Variants in CCDC88C observed in about 807,000 individuals in gnomAD.
The protein encoded by CCDC88C is protein Daple.
CCDC88C carries 131 observed loss-of-function variants against 198.8 expected under a neutral mutation model. The ratio of observed to expected loss-of-function variants is 0.66; its 90% CI spans 0.57 to 0.76. The LOEUF is 0.76. Among genes scored for constraint, CCDC88C ranks in the 30% least tolerant of loss-of-function variants. CCDC88C has a pLI of 0.00. For synonymous variants in CCDC88C, 1,166 were observed against 1,114.7 expected, an observed-to-expected ratio of 1.05 and a Z score of -0.92; for missense variants, 2,553 against 2,631.6, an observed-to-expected ratio of 0.97 and a Z score of 0.65.
chr14:91,288,927 T>C lies in CCDC88C; in HGVS notation c.4441+178A>G, dbSNP rs1450308370. ...ATAAAATAAAGTAACAAAAGCATTA[T>C]GGGACAAAACGGTCGCCACGCTGAA... is the stretch of plus-strand genomic sequence containing the variant. On this transcript the variant is annotated intron_variant, in intron 25 of 29. Transcript: ENST00000389857. This position sits in a 1 kb window ranked among gnomAD's most constrained non-coding sequence, Gnocchi z 4.2. 5 of 568,438 alleles carry C rather than the reference T, an allele frequency of 8.8e-6. No individual in the cohort carries two copies. The highest frequency in any genetic ancestry group is 7.5e-5 in the African/African-American group (4 of 53,422). 35.2% of individuals were successfully genotyped at this position (568,438 alleles called of 1,614,324 possible). A position where few individuals can be genotyped will look rare whatever the true frequency, so the allele number is the denominator to read the frequency against.
At chr14:91,377,265 C>A (rs1868736709) in intron 3 of CCDC88C, among the ~76,000 whole-genome samples, 1 of 152,188 alleles carries the variant, frequency 6.6e-6, no homozygotes, top group Non-Finnish European at 1.5e-5. Flanking sequence ...GTGTGGCAGG[C>A]TGAGACATGA....
intron 3 of CCDC88C, among the ~76,000 whole-genome samples, chr14:91,389,220 C>T (rs1047246520): frequency 3.9e-5 from 6 of 152,226 alleles, no homozygotes; most frequent in Middle Eastern, 3.4e-3. Flanking sequence ...GGGACAGGTA[C>T]GGTGAGGAGG....
chr14:91,283,314 G>A lies in CCDC88C; in HGVS notation c.4630+15C>T. On this transcript the variant is annotated intron_variant, in intron 26 of 29. Coordinates refer to ENST00000389857, the MANE Select transcript of CCDC88C (RefSeq NM_001080414.4). Reference sequence around the variant, plus strand: ...AGGCCCGACGCTCATGGCTCTGGAAGGGCCTGTGACTCACCTTTGGTGCGG... The same window carrying A: ...AGGCCCGACGCTCATGGCTCTGGAAAGGCCTGTGACTCACCTTTGGTGCGG... 2 of 1,611,280 alleles carry A rather than the reference G, an allele frequency of 1.2e-6. No individual in the cohort carries two copies. The highest frequency in any genetic ancestry group is 2.7e-5 in the African/African-American group (2 of 75,024).
chr14:91,360,152 T>G (rs11844094), intron 3 of CCDC88C, among the ~76,000 whole-genome samples: 3,169 of 152,098 alleles, frequency 0.021, 117 homozygotes, highest in African/African-American at 0.07. Context: ...GCGCAGTGGT[T>G]AATGCCTGTA....
chr14:91,357,449 C>T (rs926936409), intron 4 of CCDC88C, among the ~76,000 whole-genome samples: 1 of 152,216 alleles, frequency 6.6e-6, no homozygotes. Context: ...ACTAGTGTCT[C>T]GCCAGCACGC....
intron 14 of CCDC88C, among the ~76,000 whole-genome samples, 160 bp from the exon 15 acceptor site, chr14:91,314,310 G>T (rs1157538193): frequency 6.6e-6 from 1 of 152,210 alleles, no homozygotes; most frequent in Admixed American, 6.5e-5. Flanking sequence ...AGACACAGGT[G>T]AGTGGGCACA....
At chr14:91,374,032 G>A (rs947926626) in intron 3 of CCDC88C, among the ~76,000 whole-genome samples, 28 of 152,336 alleles carry the variant, frequency 1.8e-4, no homozygotes, top group African/African-American at 6.7e-4. Flanking sequence ...GGCAGATGCT[G>A]GAACATGCTC....
chr14:91,272,660 G>A lies in CCDC88C; in HGVS notation c.6052C>T (p.Pro2018Ser), dbSNP rs1486598826. The change falls in exon 30 of 30, where the codon CCG becomes TCG. Residue 2018 changes from proline to serine, a missense_variant. By Grantham distance (74) the Pro-to-Ser change is moderately conservative. Coordinates refer to ENST00000389857, the MANE Select transcript of CCDC88C (RefSeq NM_001080414.4). ...CCGTACTCATACCACACGGTCTGCG[G>A]ATCCCCGCCGGGCTCCGGGGAGGCC... Reference protein sequence around the residue: ...SPASPEPGGDPQTVWYEYGCV With the variant: ...SPASPEPGGDSQTVWYEYGCV The A allele has an allele frequency of 6.2e-7, 1 of 1,611,516 alleles. No homozygotes were observed. Among genetic ancestry groups the A allele is most frequent in the Non-Finnish European group, 8.5e-7 (1 of 1,179,874 alleles).
At chr14:91,397,461 C>T (rs1885916118) in intron 3 of CCDC88C, among the ~76,000 whole-genome samples, 1 of 151,798 alleles carries the variant, frequency 6.6e-6, no homozygotes, top group Admixed American at 6.6e-5. Context: ...CTCACACACA[C>T]TCTCACACTC....
chr14:91,361,891 T>G (rs1439183252), intron 3 of CCDC88C, among the ~76,000 whole-genome samples: 1 of 151,938 alleles, frequency 6.6e-6, no homozygotes, highest in East Asian at 1.9e-4. Context: ...GAAAGGAGAG[T>G]GCCCAATGAC....
Position 91,339,794 on chromosome 14 carries a change from C to G in CCDC88C, c.624+90G>C, listed in dbSNP as rs1159748437. ...CCCACCAGAACCTCAGCAGCAGGAC[C>G]GAGGCGTCTAGGCTGAAGATGAAGG... is the stretch of plus-strand genomic sequence containing the variant. On this transcript the variant is annotated intron_variant, in intron 7 of 29. Transcript: ENST00000389857. The surrounding 1 kb of genome is among the most constrained non-coding windows in gnomAD (Gnocchi z 5.8). The G allele has an allele frequency of 1.4e-6, 2 of 1,402,014 alleles. No homozygotes were observed. The highest frequency in any genetic ancestry group is 1.4e-5 in the African/African-American group (1 of 69,118). 86.8% of individuals were successfully genotyped at this position (1,402,014 alleles called of 1,614,324 possible).
chr14:91,402,912 C>G (rs543825504), intron 3 of CCDC88C, among the ~76,000 whole-genome samples: 4 of 152,200 alleles, frequency 2.6e-5, no homozygotes, highest in African/African-American at 7.2e-5. Context: ...AGATAAGGAA[C>G]CTTCTGGCCT....
intron 10 of CCDC88C, among the ~76,000 whole-genome samples, chr14:91,328,074 A>G (rs1892652153): frequency 6.6e-6 from 1 of 152,212 alleles, no homozygotes; most frequent in Admixed American, 6.5e-5. Flanking sequence ...AGCCTCGCGT[A>G]AGTGTTCAAT....
chr14:91,289,859 C>G lies in CCDC88C; in HGVS notation c.4203-516G>C, dbSNP rs377108053. ...GGACACCGAGGGCATCCTGGTGTGA[C>G]ATGAAGAGAACCCTGCCTGTGCTCT... is the stretch of plus-strand genomic sequence containing the variant. On this transcript the variant is annotated intron_variant, in intron 24 of 29. Transcript: ENST00000389857. Among the ~76,000 whole-genome samples, 12 of 152,200 alleles carry G rather than the reference C, an allele frequency of 7.9e-5. No individual in the cohort carries two copies. The East Asian group carries it at 1.9e-3, about 25-fold the overall frequency.
intron 4 of CCDC88C, among the ~76,000 whole-genome samples, chr14:91,358,470 G>T (rs1017666530): frequency 4.6e-5 from 7 of 152,314 alleles, no homozygotes; most frequent in African/African-American, 1.7e-4. Context: ...CAGAACAAGG[G>T]AAGTCCTAGC....
chr14:91,378,046 AGAG>A (rs1269549002), intron 3 of CCDC88C, among the ~76,000 whole-genome samples: 1 of 152,246 alleles, frequency 6.6e-6, no homozygotes, highest in Non-Finnish European at 1.5e-5. Context: ...CTGCCACATT[AGAG>A]GAGATAAAAC....
chr14:91,299,717 C>T (rs1406641194), intron 21 of CCDC88C, among the ~76,000 whole-genome samples: 1 of 152,248 alleles, frequency 6.6e-6, no homozygotes, highest in East Asian at 1.9e-4. Flanking sequence ...TCAGACGACG[C>T]GCCATCCCCA....
intron 3 of CCDC88C, among the ~76,000 whole-genome samples, chr14:91,369,092 G>A (rs1329745025): frequency 6.6e-6 from 1 of 152,192 alleles, no homozygotes; most frequent in Non-Finnish European, 1.5e-5. Flanking sequence ...GCAAGACCGG[G>A]GTTGGAACCT....
chr14:91,370,655 G>A (rs755879078), intron 3 of CCDC88C, among the ~76,000 whole-genome samples: 29 of 152,332 alleles, frequency 1.9e-4, no homozygotes, highest in Non-Finnish European at 3.1e-4. Context: ...AATGCAAGCC[G>A]GGTCTCTGCA....
Sources: allele counts gnomAD v4.1 joint callset (sites outside exome capture counted in the v4.1 genomes callset), GRCh38; gene constraint gnomAD v4.1.1; non-coding constraint Gnocchi (gnomAD v3.1); transcripts MANE v1.5; gene names NCBI Gene and HGNC (gene_info 2026-07-23, HGNC 2026-07-21).